KIF4B: variants seen among roughly 807,000 people sequenced by gnomAD.
KIF4B encodes kinesin family member 4B.
KIF4B carries 60 observed loss-of-function variants against 69.0 expected under a neutral mutation model. The ratio of observed to expected loss-of-function variants is 0.87; its 90% CI spans 0.71 to 1.08. The LOEUF is 1.08. Among genes scored for constraint, KIF4B ranks in the 50% least tolerant of loss-of-function variants. KIF4B has a pLI of 0.00. For missense variants in KIF4B, 1,357 were observed against 1,451.9 expected (o/e 0.93, Z 1.06); for synonymous variants, 489 against 533.0 (o/e 0.92, Z 1.14).
rs1297610522 is a variant in KIF4B, at chr5:155,016,893, C to T, written c.3034C>T (p.Leu1012=). Residue 1012 remains leucine, a synonymous_variant, in exon 1 of 1, where the codon CTA becomes TTA. Transcript: ENST00000435029. ...RQKHLPNDTL[L]SPDSSFEYIP... is the part of the protein sequence containing the mutation. ...GAAACATCTTCCTAATGATACCCTTCTATCTCCAGACTCTTCTTTTGAATA... is the reference window on the plus strand; with the variant it reads ...GAAACATCTTCCTAATGATACCCTTTTATCTCCAGACTCTTCTTTTGAATA... 3 of 1,614,120 alleles carry T rather than the reference C, an allele frequency of 1.9e-6. No homozygotes were observed.
rs1765297230 is a variant in KIF4B at position 155,014,890 on chromosome 5, T to C, written c.1031T>C (p.Ile344Thr). 1 of 1,614,056 alleles carries C rather than the reference T, an allele frequency of 6.2e-7. No individual in the cohort carries two copies. ...RKIKNKPIVNIDPHTAELNHL... is the reference protein window; with the variant it reads ...RKIKNKPIVNTDPHTAELNHL... ...ATCAAGAACAAACCTATTGTTAATATTGATCCCCACACAGCTGAACTTAAT... is the reference window on the plus strand; with the variant it reads ...ATCAAGAACAAACCTATTGTTAATACTGATCCCCACACAGCTGAACTTAAT... The change falls in exon 1 of 1, where the codon ATT becomes ACT. Residue 344 changes from isoleucine to threonine, a missense_variant. Ile to Thr is a moderately conservative substitution (Grantham distance 89). Transcript: ENST00000435029.
Position 155,015,468 on chromosome 5 carries a change from G to A in KIF4B, c.1609G>A (p.Glu537Lys). 6.2e-7 allele frequency: 1 copy of A among 1,614,196 alleles called. No homozygotes were observed. Among genetic ancestry groups the A allele is most frequent in the Non-Finnish European group, 8.5e-7 (1 of 1,180,038 alleles). ...VELNNALALKEALVRKMTQND... is the reference protein window; with the variant it reads ...VELNNALALKKALVRKMTQND... ...GTTGAATAACGCCCTTGCACTGAAA[G>A]AGGCCCTAGTTAGGAAGATGACTCA... The change falls in exon 1 of 1, where the codon GAG (glutamate) becomes AAG (lysine). Residue 537 changes from glutamate to lysine, a missense_variant. Physicochemically the swap from Glu to Lys is moderately conservative, Grantham distance 56. Coordinates refer to ENST00000435029, the MANE Select transcript of KIF4B (RefSeq NM_001099293.3).
At position 155,016,856 on chromosome 5, in the gene KIF4B, A is replaced by G. The variant is rs1765340462; in HGVS notation, c.2997A>G (p.Val999=). ...IIKQKLILLQ[V]ASRQKHLPND... ...AGCAGAAACTGATCCTCCTCCAGGT[A>G]GCCAGCAGACAGAAACATCTTCCTA... is the stretch of plus-strand genomic sequence containing the variant. Residue 999 remains valine (V), a synonymous_variant, in exon 1 of 1, where the codon GTA becomes GTG. Coordinates refer to ENST00000435029, the MANE Select transcript of KIF4B (RefSeq NM_001099293.3). The G allele has an allele frequency of 6.2e-7, 1 of 1,614,126 alleles. No individual in the cohort carries two copies. Among genetic ancestry groups the G allele is most frequent in the Non-Finnish European group, 8.5e-7 (1 of 1,180,048 alleles).
chr5:155,017,352 A>G lies in KIF4B; in HGVS notation c.3493A>G (p.Asn1165Asp). The G allele has an allele frequency of 6.2e-7, 1 of 1,614,160 alleles. No individual in the cohort carries two copies. The highest frequency in any genetic ancestry group is 8.5e-7 in the Non-Finnish European group (1 of 1,180,014). ...SFFNPVCATPNSKILKEMCDM... is the reference protein window; with the variant it reads ...SFFNPVCATPDSKILKEMCDM... Reference sequence around the variant, plus strand: ...CTTTAACCCTGTCTGTGCCACCCCCAATAGCAAGATCCTGAAAGAGATGTG... The same window carrying G: ...CTTTAACCCTGTCTGTGCCACCCCCGATAGCAAGATCCTGAAAGAGATGTG... Residue 1165 changes from asparagine to aspartate, a missense_variant, in exon 1 of 1, where the codon AAT (asparagine) becomes GAT (aspartate). Asn to Asp is a conservative substitution (Grantham distance 23, BLOSUM62 1). Transcript: ENST00000435029.
chr5:155,014,409 G>A lies in KIF4B; in HGVS notation c.550G>A (p.Ala184Thr), dbSNP rs372621246. Residue 184 changes from alanine to threonine, a missense_variant, in exon 1 of 1, where the codon GCC (alanine) becomes ACC (threonine). Transcript: ENST00000435029. ...VGLTEKTVLV[A>T]LDTVSCLEQG... is the part of the protein sequence containing the mutation. ...ACTCACTGAGAAGACTGTTTTAGTT[G>A]CCTTGGATACTGTTTCCTGTTTGGA... 1.1e-4 allele frequency: 170 copies of A among 1,614,200 alleles called. 1 individual carries two copies. In the South Asian group the frequency reaches 1.8e-3, roughly 17 times the overall value.
Position 155,014,895 on chromosome 5 carries a change from C to G in KIF4B, c.1036C>G (p.Pro346Ala). ...GAACAAACCTATTGTTAATATTGAT[C>G]CCCACACAGCTGAACTTAATCATCT... The part of the protein sequence containing the change: ...IKNKPIVNID[P>A]HTAELNHLKQ... The change falls in exon 1 of 1, where the codon CCC (proline) becomes GCC (alanine). Residue 346 changes from proline (P) to alanine (A), a missense_variant. Pro to Ala is a conservative substitution (Grantham distance 27, BLOSUM62 -1). Coordinates refer to ENST00000435029, the MANE Select transcript of KIF4B (RefSeq NM_001099293.3). 47 of 1,614,126 alleles carry G rather than the reference C, an allele frequency of 2.9e-5. No individual in the cohort carries two copies. Among genetic ancestry groups the G allele is most frequent in the Non-Finnish European group, 3.8e-5 (45 of 1,180,018 alleles).
Position 155,016,208 on chromosome 5 carries a change from A to G in KIF4B, c.2349A>G (p.Glu783=), listed in dbSNP as rs1278688996. ...CTCAGGATGTGGTTCAACTCAAAGA[A>G]AAAAAGGAATCTCGGGAGAATCCAC... ...ILAQDVVQLK[E]KKESRENPPP... Residue 783 remains glutamate, a synonymous_variant, in exon 1 of 1, where the codon GAA becomes GAG. Coordinates refer to ENST00000435029, the MANE Select transcript of KIF4B (RefSeq NM_001099293.3). 6.2e-7 allele frequency: 1 copy of G among 1,614,194 alleles called. No homozygotes were observed. The highest frequency in any genetic ancestry group is 8.5e-7 in the Non-Finnish European group (1 of 1,180,036).
chr5:155,013,952 C>T lies in KIF4B; in HGVS notation c.93C>T (p.Cys31=), dbSNP rs766296297. 4 of 1,614,256 alleles carry T rather than the reference C, an allele frequency of 2.5e-6. No homozygotes were observed. The highest frequency in any genetic ancestry group is 2.5e-6 in the Non-Finnish European group (3 of 1,180,058). Residue 31 remains cysteine (C), a synonymous_variant, in exon 1 of 1, where the codon TGC becomes TGT. Coordinates refer to ENST00000435029, the MANE Select transcript of KIF4B (RefSeq NM_001099293.3). ...AGATTAGCGAGGGCTGCCAGATGTG[C>T]CTTTCCTTCGTGCCCGGGGAGACTC... is the stretch of plus-strand genomic sequence containing the variant. ...PKEISEGCQM[C]LSFVPGETQV...
In KIF4B at chr5:155,016,430, T is replaced by C. The variant is rs1262872261; in HGVS notation, c.2571T>C (p.Ile857=). ...EDRPKQCWEN[I]ATILEAKCAL... Reference sequence around the variant, plus strand: ...GGCCAAAACAATGCTGGGAGAATATTGCCACCATTCTGGAAGCCAAGTGTG... The same window carrying C: ...GGCCAAAACAATGCTGGGAGAATATCGCCACCATTCTGGAAGCCAAGTGTG... Residue 857 remains isoleucine (I), a synonymous_variant, in exon 1 of 1, where the codon ATT becomes ATC. Transcript: ENST00000435029. 1.9e-6 allele frequency: 3 copies of C among 1,614,222 alleles called. No individual in the cohort carries two copies. The South Asian group carries it at 3.3e-5, about 18-fold the overall frequency.
At position 155,015,585 on chromosome 5, in the gene KIF4B, G is replaced by A; in HGVS notation, c.1726G>A (p.Glu576Lys). The A allele has an allele frequency of 6.2e-7, 1 of 1,614,208 alleles. No individual in the cohort carries two copies. The highest frequency in any genetic ancestry group is 1.3e-5 in the African/African-American group (1 of 75,038). ...AGTCATCAATCTGCAAAAGGAAAAG[G>A]AAGAATTGGTTCGTGAACTTCAGAC... ...LEVINLQKEK[E>K]ELVRELQTAK... Residue 576 changes from glutamate to lysine, a missense_variant, in exon 1 of 1, where the codon GAA (glutamate) becomes AAA (lysine). By Grantham distance (56) the Glu-to-Lys change is moderately conservative. Transcript: ENST00000435029.
chr5:155,016,472 T>A lies in KIF4B; in HGVS notation c.2613T>A (p.Ile871=). ...CCAAGTGTGCCCTGAAATATTTGAT[T>A]GGAGAGCTGGTCTCCTCCAAAATAC... ...LEAKCALKYL[I]GELVSSKIHV... Residue 871 remains isoleucine, a synonymous_variant, in exon 1 of 1, where the codon ATT becomes ATA. Coordinates refer to ENST00000435029, the MANE Select transcript of KIF4B (RefSeq NM_001099293.3). 1 of 1,614,220 alleles carries A rather than the reference T, an allele frequency of 6.2e-7. No homozygotes were observed. The highest frequency in any genetic ancestry group is 1.1e-5 in the South Asian group (1 of 91,086).
chr5:155,015,960 A>G lies in KIF4B; in HGVS notation c.2101A>G (p.Arg701Gly). 1.2e-6 allele frequency: 2 copies of G among 1,614,262 alleles called. No individual in the cohort carries two copies. The highest frequency in any genetic ancestry group is 1.1e-5 in the South Asian group (1 of 91,078). ...RNFQKQSSVL[R>G]RKTEEAAAAN... ...CTTCCAGAAACAATCCAGTGTGCTC[A>G]GACGTAAAACGGAAGAGGCAGCAGC... The change falls in exon 1 of 1, where the codon AGA becomes GGA. Residue 701 changes from arginine (R) to glycine (G), a missense_variant. Transcript: ENST00000435029.
Position 155,013,994 on chromosome 5 carries a change from T to A in KIF4B, c.135T>A (p.Thr45=). The part of the protein sequence containing the change: ...VPGETQVVVG[T]DKSFTYDFVF... ...GGGAGACTCAGGTGGTGGTTGGTAC[T>A]GATAAATCCTTCACCTACGATTTTG... The change falls in exon 1 of 1, where the codon ACT becomes ACA. Residue 45 remains threonine (T), a synonymous_variant. Coordinates refer to ENST00000435029, the MANE Select transcript of KIF4B (RefSeq NM_001099293.3). The A allele has an allele frequency of 6.2e-7, 1 of 1,614,258 alleles. No homozygotes were observed. The highest frequency in any genetic ancestry group is 8.5e-7 in the Non-Finnish European group (1 of 1,180,048).
chr5:155,014,825 A>G lies in KIF4B; in HGVS notation c.966A>G (p.Glu322=). 1 of 1,614,176 alleles carries G rather than the reference A, an allele frequency of 6.2e-7. No homozygotes were observed. The highest frequency in any genetic ancestry group is 8.5e-7 in the Non-Finnish European group (1 of 1,180,028). ...CVSPADSNLE[E]TLSTLRYADR... is the part of the protein sequence containing the mutation. ...GTCCTGCTGACTCCAATCTAGAGGA[A>G]ACATTAAGTACCCTTCGCTATGCTG... is the stretch of plus-strand genomic sequence containing the variant. The change falls in exon 1 of 1, where the codon GAA becomes GAG. Residue 322 remains glutamate (E), a synonymous_variant. Coordinates refer to ENST00000435029, the MANE Select transcript of KIF4B (RefSeq NM_001099293.3).
In KIF4B at chr5:155,014,215, T is replaced by C. The variant is rs1561755454; in HGVS notation, c.356T>C (p.Ile119Thr). The change falls in exon 1 of 1, where the codon ATA (isoleucine) becomes ACA (threonine). Residue 119 changes from isoleucine to threonine, a missense_variant. Physicochemically the swap from Ile to Thr is moderately conservative, Grantham distance 89. Transcript: ENST00000435029. Reference protein sequence around the residue: ...EPTVGIIPRVIQLLFKEIDKK... With the variant: ...EPTVGIIPRVTQLLFKEIDKK... ...ACAGTTGGCATTATTCCTAGGGTAA[T>C]ACAACTGCTCTTCAAAGAAATTGAT... 2 of 1,614,132 alleles carry C rather than the reference T, an allele frequency of 1.2e-6. No homozygotes were observed. Among genetic ancestry groups the C allele is most frequent in the Non-Finnish European group, 1.7e-6 (2 of 1,180,058 alleles).
chr5:155,014,019 G>C lies in KIF4B; in HGVS notation c.160G>C (p.Val54Leu), dbSNP rs1184850256. ...GTDKSFTYDF[V>L]FDPCTEQEEV... ...TGATAAATCCTTCACCTACGATTTT[G>C]TGTTTGACCCCTGTACTGAGCAGGA... Residue 54 changes from valine (V) to leucine (L), a missense_variant, in exon 1 of 1, where the codon GTG becomes CTG. Coordinates refer to ENST00000435029, the MANE Select transcript of KIF4B (RefSeq NM_001099293.3). The C allele has an allele frequency of 6.2e-7, 1 of 1,614,214 alleles. No homozygotes were observed. Among genetic ancestry groups the C allele is most frequent in the South Asian group, 1.1e-5 (1 of 91,076 alleles).
rs199820075 is a variant in KIF4B, at chr5:155,015,814, G to A, written c.1955G>A (p.Arg652His). 2.0e-4 allele frequency: 328 copies of A among 1,614,174 alleles called. No individual in the cohort carries two copies. Among genetic ancestry groups the A allele is most frequent in the Non-Finnish European group, 2.5e-4 (299 of 1,180,024 alleles). ...MMKNQRVQLMRQMKEDAEKFR... is the reference protein window; with the variant it reads ...MMKNQRVQLMHQMKEDAEKFR... ...AAAAACCAGCGGGTACAGTTAATGC[G>A]TCAAATGAAAGAGGATGCTGAGAAG... The change falls in exon 1 of 1, where the codon CGT becomes CAT. Residue 652 changes from arginine to histidine, a missense_variant. By Grantham distance (29) the Arg-to-His change is conservative. Transcript: ENST00000435029.
In KIF4B at chr5:155,016,209, A is replaced by G. The variant is rs1765329936; in HGVS notation, c.2350A>G (p.Lys784Glu). ...LAQDVVQLKE[K>E]KESRENPPPK... is the part of the protein sequence containing the mutation. ...TCAGGATGTGGTTCAACTCAAAGAA[A>G]AAAAGGAATCTCGGGAGAATCCACC... The change falls in exon 1 of 1, where the codon AAA becomes GAA. Residue 784 changes from lysine (K) to glutamate (E), a missense_variant. Lys to Glu is a moderately conservative substitution (Grantham distance 56). Transcript: ENST00000435029. 1 of 1,614,222 alleles carries G rather than the reference A, an allele frequency of 6.2e-7. No individual in the cohort carries two copies. Among genetic ancestry groups the G allele is most frequent in the Non-Finnish European group, 8.5e-7 (1 of 1,180,040 alleles).
At position 155,014,893 on chromosome 5, in the gene KIF4B, A is replaced by C; in HGVS notation, c.1034A>C (p.Asp345Ala). The C allele has an allele frequency of 6.2e-7, 1 of 1,614,172 alleles. No homozygotes were observed. Among genetic ancestry groups the C allele is most frequent in the South Asian group, 1.1e-5 (1 of 91,074 alleles). ...AAGAACAAACCTATTGTTAATATTG[A>C]TCCCCACACAGCTGAACTTAATCAT... Reference protein sequence around the residue: ...KIKNKPIVNIDPHTAELNHLK... With the variant: ...KIKNKPIVNIAPHTAELNHLK... The change falls in exon 1 of 1, where the codon GAT becomes GCT. Residue 345 changes from aspartate to alanine, a missense_variant. By Grantham distance (126) the Asp-to-Ala change is moderately radical (BLOSUM62 -2). Transcript: ENST00000435029.
Sources: allele counts gnomAD v4.1 joint callset, GRCh38; gene constraint gnomAD v4.1.1; transcripts MANE v1.5; gene names NCBI Gene and HGNC (gene_info 2026-07-23, HGNC 2026-07-21).